Variants in NDUFA10 observed in about 807,000 individuals in gnomAD.
NDUFA10 encodes NADH dehydrogenase [ubiquinone] 1 alpha subcomplex subunit 10, mitochondrial.
A neutral mutation model predicts 47.8 loss-of-function variants in NDUFA10; 40 were observed. That is an observed-to-expected ratio of 0.84 (90% CI 0.65 to 1.09). The LOEUF is 1.09. Among genes scored for constraint, NDUFA10 ranks in the 50% least tolerant of loss-of-function variants. NDUFA10 has a pLI of 0.00. For missense variants in NDUFA10, 413 were observed against 451.1 expected, an observed-to-expected ratio of 0.92 and a Z score of 0.76; for synonymous variants, 183 against 172.2, an observed-to-expected ratio of 1.06 and a Z score of -0.49.
chr2:240,009,078 C>T (rs764013597), intron 6 of NDUFA10, among the ~76,000 whole-genome samples: 1 of 152,134 alleles, frequency 6.6e-6, no homozygotes, highest in Non-Finnish European at 1.5e-5. Flanking sequence ...TAGCTCAGGG[C>T]CGAGGAGAGC....
chr2:240,002,670 A>G (rs1037436091), intron 8 of NDUFA10, among the ~76,000 whole-genome samples: 2 of 152,130 alleles, frequency 1.3e-5, no homozygotes, highest in Non-Finnish European at 2.9e-5. Context: ...TCAGTCTGAC[A>G]TGAGGACCCC....
intron 4 of NDUFA10, among the ~76,000 whole-genome samples, chr2:239,896,775 C>A (rs919839258): frequency 3.3e-5 from 5 of 152,008 alleles, no homozygotes; most frequent in African/African-American, 7.3e-5. Context: ...AGATGCAGAC[C>A]AAGTCATCTG....
At chr2:239,902,520 GA>G (rs1693571872) in intron 4 of NDUFA10, among the ~76,000 whole-genome samples, 1 of 152,208 alleles carries the variant, frequency 6.6e-6, no homozygotes, top group African/African-American at 2.4e-5. Flanking sequence ...ATATGCCCTG[GA>G]AAACCAAAAC....
intron 4 of NDUFA10, among the ~76,000 whole-genome samples, chr2:239,931,286 C>T (rs1031089680): frequency 3.9e-5 from 6 of 152,136 alleles, no homozygotes; most frequent in Non-Finnish European, 7.4e-5. Context: ...AGGTGCCCAG[C>T]ACCCCTGGCA....
At chr2:239,915,291 CAGACAG>C (rs1212133090) in intron 4 of NDUFA10, among the ~76,000 whole-genome samples, 23 of 146,996 alleles carry the variant, frequency 1.6e-4, no homozygotes, top group South Asian at 1.1e-3. Flanking sequence ...TATACAGACA[CAGACAG>C]AGAGACAGAG....
intron 4 of NDUFA10, among the ~76,000 whole-genome samples, chr2:239,915,617 CACAG>C (rs1693852593): frequency 1.6e-4 from 24 of 149,996 alleles, no homozygotes; most frequent in Admixed American, 1.5e-3. Context: ...CACACACATA[CACAG>C]ACACACACAA....
At chr2:239,920,239 G>C (rs934819047) in intron 4 of NDUFA10, among the ~76,000 whole-genome samples, 1 of 152,224 alleles carries the variant, frequency 6.6e-6, no homozygotes, top group African/African-American at 2.4e-5. Flanking sequence ...CCCTCCCCAG[G>C]AACAGAATAC....
chr2:239,929,551 G>T (rs1694123351), intron 4 of NDUFA10, among the ~76,000 whole-genome samples: 1 of 152,128 alleles, frequency 6.6e-6, no homozygotes, highest in Non-Finnish European at 1.5e-5. Flanking sequence ...AGCCCGGGAA[G>T]TGCGGCAGCC....
chr2:239,910,620 A>G (rs1693735135), intron 4 of NDUFA10, among the ~76,000 whole-genome samples: 1 of 152,076 alleles, frequency 6.6e-6, no homozygotes, highest in Non-Finnish European at 1.5e-5. Context: ...TGGGCTTAGT[A>G]CCTGGGTGAT....
intron 1 of NDUFA10, among the ~76,000 whole-genome samples, chr2:240,023,838 A>C (rs1175951161): frequency 1.3e-5 from 2 of 152,270 alleles, no homozygotes; most frequent in Non-Finnish European, 2.9e-5. Context: ...CAAAAGATGT[A>C]AACACCTCTC....
At chr2:239,912,022 C>G (rs904058692) in intron 4 of NDUFA10, among the ~76,000 whole-genome samples, 3 of 152,308 alleles carry the variant, frequency 2.0e-5, no homozygotes, top group East Asian at 1.9e-4. Flanking sequence ...CATGTTGCCC[C>G]AGAGAGGAGG....
At chr2:239,895,232 C>G (rs1030636642) in exon 5 of NDUFA10, 1 of 467,758 alleles carries the variant, frequency 2.1e-6, no homozygotes, top group Non-Finnish European at 4.4e-6. Flanking sequence ...GGAGTCTTCT[C>G]CACACACAGA....
At chr2:239,948,841 G>A (rs1363251386) in intron 4 of NDUFA10, among the ~76,000 whole-genome samples, 2 of 152,232 alleles carry the variant, frequency 1.3e-5, no homozygotes, top group Non-Finnish European at 2.9e-5. Flanking sequence ...GCCTAGGCAG[G>A]AGCCAGCAGA....
intron 9 of NDUFA10, among the ~76,000 whole-genome samples, chr2:239,965,958 G>A (rs148369198): frequency 1.3e-3 from 201 of 152,240 alleles, no homozygotes; most frequent in African/African-American, 4.6e-3. Flanking sequence ...ACACTTTCAG[G>A]AGGCTCTTTC....
At chr2:239,935,782 T>TC (rs1694255836) in intron 4 of NDUFA10, among the ~76,000 whole-genome samples, 1 of 152,194 alleles carries the variant, frequency 6.6e-6, no homozygotes, top group Non-Finnish European at 1.5e-5. Context: ...CCCATTCTCT[T>TC]TTGCCTGCCG....
At chr2:239,920,842 G>A (rs377502766) in intron 4 of NDUFA10, among the ~76,000 whole-genome samples, 2 of 152,170 alleles carry the variant, frequency 1.3e-5, no homozygotes, top group Non-Finnish European at 2.9e-5. Flanking sequence ...CCTAGAAGGC[G>A]GAGGGGTGGG....
chr2:240,018,993 T>C lies in NDUFA10; in HGVS notation c.461-354A>G, dbSNP rs183816822. ...GTCAGATCTACTGATGTTGGGCTAC[T>C]TCTCAACCTCACCTCTGTCCACTCC... On this transcript the variant is annotated intron_variant, in intron 3 of 9. Coordinates refer to ENST00000252711, the MANE Select transcript of NDUFA10 (RefSeq NM_004544.4). Among the ~76,000 whole-genome samples, 148 of 152,158 alleles carry C rather than the reference T, an allele frequency of 9.7e-4. 1 individual carries two copies. Among genetic ancestry groups the C allele is most frequent in the Non-Finnish European group, 1.0e-3 (68 of 68,000 alleles).
Position 239,997,787 on chromosome 2 carries a change from CTA to C in NDUFA10, c.890+7421_890+7422del, listed in dbSNP as rs1268004379. On this transcript the variant is annotated intron_variant, in intron 8 of 9. Coordinates refer to ENST00000252711, the MANE Select transcript of NDUFA10 (RefSeq NM_004544.4). The stretch of plus-strand genomic sequence containing the variant: ...GATAGCAAATACCAGGCTTTGAGAG[CTA>C]TATACAGTTTCCATCACATAATCCT... Among the ~76,000 whole-genome samples, 4 of 152,304 alleles carry C rather than the reference CTA, an allele frequency of 2.6e-5. No homozygotes were observed. The East Asian group carries it at 7.7e-4, about 29-fold the overall frequency.
chr2:239,962,417 C>T lies in NDUFA10; in HGVS notation c.1000-1231G>A, dbSNP rs549771272. Among the ~76,000 whole-genome samples, 5 of 152,332 alleles carry T rather than the reference C, an allele frequency of 3.3e-5. 1 individual carries two copies. The highest frequency in any genetic ancestry group is 9.6e-5 in the African/African-American group (4 of 41,574). On this transcript the variant is annotated intron_variant, in intron 9 of 9. Coordinates refer to ENST00000252711, the MANE Select transcript of NDUFA10 (RefSeq NM_004544.4). ...CTCTGCCACAGTGGCCACGCAGTGA[C>T]AGACGAACACACAATGCATCCTATG...
Sources: gnomAD v4.1 joint callset for allele counts (sites outside exome capture counted in the v4.1 genomes callset) on GRCh38, gnomAD v4.1.1 for gene constraint, MANE v1.5 for transcripts, NCBI Gene and HGNC (gene_info 2026-07-23, HGNC 2026-07-21) for gene names.